Variants in PCSK7 observed in about 807,000 individuals in gnomAD.
The protein encoded by PCSK7 is proprotein convertase subtilisin/kexin type 7, also known as lymphoma proprotein convertase.
Under a neutral mutation model 73.3 loss-of-function variants are expected in PCSK7, and 38 were observed. That is an observed-to-expected ratio of 0.52 (90% CI 0.40 to 0.68). The LOEUF (loss-of-function observed/expected upper bound fraction) is 0.68, where lower values mean the gene tolerates loss of function less well. Ranked by LOEUF, PCSK7 falls within the 30% of genes least tolerant of loss-of-function variation. The pLI is 0.00. For synonymous variants in PCSK7, 296 were observed against 383.8 expected (o/e 0.77, Z 2.68); for missense variants, 692 against 991.5 (o/e 0.70, Z 4.06).
chr11:117,208,769 T>G (rs1469056011), intron 13 of PCSK7, 128 bp downstream of exon 13: 1 of 915,292 alleles, frequency 1.1e-6, no homozygotes, highest in East Asian at 2.9e-5. Flanking sequence ...GACGAAAGGC[T>G]TCCAGCCGCC....
intron 12 of PCSK7, chr11:117,212,434 C>T (rs1436595273): frequency 5.1e-5 from 6 of 118,284 alleles, no homozygotes; most frequent in Non-Finnish European, 8.1e-5. Context: ...GAGACGAAGT[C>T]TTGCTCTGTT....
At chr11:117,208,708 T>C in intron 13 of PCSK7, 189 bp downstream of exon 13, 1 of 492,884 alleles carries the variant, frequency 2.0e-6, no homozygotes, top group East Asian at 4.1e-5. Context: ...CTTAGAAGGA[T>C]TAGAGAACAT....
In PCSK7 at chr11:117,218,807, G is replaced by A; in HGVS notation, c.1432-239C>T. The A allele has an allele frequency of 1.8e-6, 1 of 566,050 alleles. No individual in the cohort carries two copies. The highest frequency in any genetic ancestry group is 3.1e-5 in the Admixed American group (1 of 31,932). The allele number at this position is 566,050 out of a possible 1,614,324, so 35.1% of individuals were successfully genotyped here. On this transcript the variant is annotated intron_variant, in intron 11 of 16. Transcript: ENST00000320934. The surrounding 1 kb of genome is among the most constrained non-coding windows in gnomAD (Gnocchi z 4.0). The stretch of plus-strand genomic sequence containing the variant: ...TCCAGGGTGGAGGAGGGGAACCAGA[G>A]CATCCTGAGTCCCACACATACTCAG...
chr11:117,229,235 C>A, intron 3 of PCSK7, 142 bp downstream of exon 3: 1 of 721,336 alleles, frequency 1.4e-6, no homozygotes, highest in Non-Finnish European at 2.4e-6. Flanking sequence ...GGAGGGAGAG[C>A]CTAGGGAAAC....
intron 1 of PCSK7, among the ~76,000 whole-genome samples, chr11:117,231,458 A>C (rs944784937): frequency 4.6e-5 from 7 of 152,132 alleles, no homozygotes; most frequent in African/African-American, 1.7e-4. Flanking sequence ...CAAACTAACA[A>C]ACAAAACCCT....
chr11:117,228,194 G>T (rs757315784), intron 4 of PCSK7, 22 bp downstream of exon 4: 1 of 1,610,706 alleles, frequency 6.2e-7, no homozygotes, highest in Non-Finnish European at 8.5e-7. Flanking sequence ...GGAGTGAGGG[G>T]TGTCGTTCCA....
In PCSK7 at chr11:117,218,781, G is replaced by A; in HGVS notation, c.1432-213C>T. Reference sequence around the variant, plus strand: ...CTAAGGAACCAGAGGAAACAGCTGTGTCCAGGGTGGAGGAGGGGAACCAGA... The same window carrying A: ...CTAAGGAACCAGAGGAAACAGCTGTATCCAGGGTGGAGGAGGGGAACCAGA... On this transcript the variant is annotated intron_variant, in intron 11 of 16. Transcript: ENST00000320934. This position sits in a 1 kb window ranked among gnomAD's most constrained non-coding sequence, Gnocchi z 4.0. 7.0e-6 allele frequency: 4 copies of A among 570,594 alleles called. No homozygotes were observed. Among genetic ancestry groups the A allele is most frequent in the Non-Finnish European group, 1.3e-5 (4 of 319,872 alleles). The allele number at this position is 570,594 out of a possible 1,614,324, so 35.3% of individuals were successfully genotyped here.
chr11:117,206,293 A>G lies in PCSK7; in HGVS notation c.2062T>C (p.Leu688=), dbSNP rs608620. The G allele has an allele frequency of 3.1e-6, 5 of 1,610,748 alleles. No individual in the cohort carries two copies. In the African/African-American group the frequency reaches 4.0e-5, roughly 13 times the overall value. The change falls in exon 17 of 17, where the codon TTG becomes CTG. Residue 688 remains leucine (L), a synonymous_variant. Transcript: ENST00000320934. ...WTVYYMLEVY[L]SQRNVASNQV... ...TTGGAAGCCACATTCCTCTGGCTCA[A>G]ATATACTTCCAGCATGTAGTAAACA...
In PCSK7 at chr11:117,205,396, G is replaced by T. The variant is rs774882458; in HGVS notation, c.*601C>A. On this transcript the variant is annotated 3_prime_UTR_variant, in exon 17 of 17. Coordinates refer to ENST00000320934, the MANE Select transcript of PCSK7 (RefSeq NM_004716.4). ...TCCTGCCGCAGGATTCCCTAGTGAA[G>T]CAGCTCAGGCCTGGGGGAGCCGTGT... 1.0e-4 allele frequency: 24 copies of T among 233,450 alleles called. No individual in the cohort carries two copies. The highest frequency in any genetic ancestry group is 1.6e-4 in the Non-Finnish European group (19 of 118,010). 14.5% of individuals were successfully genotyped at this position (233,450 alleles called of 1,614,324 possible).
Position 117,204,434 on chromosome 11 carries a change from C to T in PCSK7, c.*1563G>A. The stretch of plus-strand genomic sequence containing the variant: ...CAGCCATCCCGCTTAGCCTGCCTCA[C>T]CCACACCCGTGTGGTACCTTCAGCC... On this transcript the variant is annotated 3_prime_UTR_variant, in exon 17 of 17. Transcript: ENST00000320934. 1 of 1,604,952 alleles carries T rather than the reference C, an allele frequency of 6.2e-7. No individual in the cohort carries two copies. The highest frequency in any genetic ancestry group is 1.3e-5 in the African/African-American group (1 of 74,872).
intron 3 of PCSK7, among the ~76,000 whole-genome samples, chr11:117,228,948 G>C (rs2032535683): frequency 6.6e-6 from 1 of 152,188 alleles, no homozygotes; most frequent in Non-Finnish European, 1.5e-5. Context: ...GCCAATGGTA[G>C]TATCGTATCA....
chr11:117,210,889 C>G (rs758299042), intron 12 of PCSK7: 4 of 152,176 alleles, frequency 2.6e-5, no homozygotes, highest in East Asian at 3.9e-4. Flanking sequence ...TGAACCATGA[C>G]TGTGCCTCTG....
chr11:117,223,999 C>T (rs2032308811), intron 8 of PCSK7, 79 bp downstream of exon 8: 1 of 1,423,968 alleles, frequency 7.0e-7, no homozygotes, highest in South Asian at 1.2e-5. Context: ...TAGACACACA[C>T]AGAAGCTAGG....
rs1218807247 is a variant in PCSK7, at chr11:117,205,847, C to T, written c.*150G>A. ...CCAGACTTCTCTGGCAGCAATCCTCCACCATTTGTATCTTAAGAAGGCCCT... is the reference window on the plus strand; with the variant it reads ...CCAGACTTCTCTGGCAGCAATCCTCTACCATTTGTATCTTAAGAAGGCCCT... On this transcript the variant is annotated 3_prime_UTR_variant, in exon 17 of 17. Coordinates refer to ENST00000320934, the MANE Select transcript of PCSK7 (RefSeq NM_004716.4). The T allele has an allele frequency of 7.5e-6, 5 of 663,394 alleles. No individual in the cohort carries two copies. The highest frequency in any genetic ancestry group is 6.1e-5 in the East Asian group (2 of 33,034). The allele number at this position is 663,394 out of a possible 1,614,324, so 41.1% of individuals were successfully genotyped here.
Position 117,206,276 on chromosome 11 carries a change from C to T in PCSK7, c.2079G>A (p.Val693=). The part of the protein sequence containing the change: ...MLEVYLSQRN[V]ASNQVCRSGP... ...CACTCCTACAAACTTGATTGGAAGCCACATTCCTCTGGCTCAAATATACTT... is the reference window on the plus strand; with the variant it reads ...CACTCCTACAAACTTGATTGGAAGCTACATTCCTCTGGCTCAAATATACTT... Residue 693 remains valine (V), a synonymous_variant, in exon 17 of 17, where the codon GTG becomes GTA. Transcript: ENST00000320934. 2 of 1,614,170 alleles carry T rather than the reference C, an allele frequency of 1.2e-6. No homozygotes were observed. The highest frequency in any genetic ancestry group is 1.1e-5 in the South Asian group (1 of 91,088).
At chr11:117,213,840 A>G (rs2031834739) in intron 12 of PCSK7, 1 of 152,208 alleles carries the variant, frequency 6.6e-6, no homozygotes, top group Non-Finnish European at 1.5e-5. Context: ...TTGGCACATA[A>G]AAAGCATCTT....
chr11:117,221,233 G>A (rs1306714984), intron 9 of PCSK7: 2 of 152,234 alleles, frequency 1.3e-5, no homozygotes, highest in East Asian at 3.8e-4. Flanking sequence ...GCCAAGAGAT[G>A]TAATTTTCAC....
At position 117,219,124 on chromosome 11, in the gene PCSK7, C is replaced by A; in HGVS notation, c.1364G>T (p.Gly455Val). 6.2e-7 allele frequency: 1 copy of A among 1,611,352 alleles called. No individual in the cohort carries two copies. ...ACCGTGCTGGTGGCTATGGCTGAAGCCTGCCTCGTTGGTGACCCACTCTGC... is the reference window on the plus strand; with the variant it reads ...ACCGTGCTGGTGGCTATGGCTGAAGACTGCCTCGTTGGTGACCCACTCTGC... ...RRAEWVTNEA[G>V]FSHSHQHGFG... Residue 455 changes from glycine (G) to valine (V), a missense_variant, in exon 11 of 17, where the codon GGC becomes GTC. Around this residue, in one of 6 missense-constraint regions of PCSK7, gnomAD observed 574 missense variants for 689.8 expected, o/e 0.83. Transcript: ENST00000320934.
At chr11:117,228,180 G>A (rs369310115) in intron 4 of PCSK7, 36 bp downstream of exon 4, 64 of 1,604,604 alleles carry the variant, frequency 4.0e-5, no homozygotes, top group African/African-American at 3.5e-4. Context: ...GAGGTAAGAC[G>A]TGGGGAGTGA....
Sources: gnomAD v4.1 joint callset for allele counts (sites outside exome capture counted in the v4.1 genomes callset) on GRCh38, gnomAD v4.1.1 for gene constraint, gnomAD v4.1.1 regional missense constraint, Gnocchi (gnomAD v3.1) non-coding constraint, MANE v1.5 for transcripts, NCBI Gene and HGNC (gene_info 2026-07-23, HGNC 2026-07-21) for gene names.